Variants in PTPRO observed in about 807,000 individuals in gnomAD.
PTPRO encodes receptor-type tyrosine-protein phosphatase O.
A neutral mutation model predicts 145.2 loss-of-function variants in PTPRO; 62 were observed. The observed-to-expected ratio is 0.43, with a 90% confidence interval of 0.35 to 0.53. The LOEUF (loss-of-function observed/expected upper bound fraction) is 0.53, where lower values mean the gene tolerates loss of function less well. Ranked by LOEUF, PTPRO falls within the 20% of genes least tolerant of loss-of-function variation. PTPRO has a pLI of 0.01. For synonymous variants in PTPRO, 565 were observed against 514.7 expected (o/e 1.10, Z -1.32); for missense variants, 1,345 against 1,482.7 (o/e 0.91, Z 1.53).
chr12:15,557,384 CTT>C, intron 15 of PTPRO, 69 bp from the exon 16 acceptor site: 1 of 1,347,812 alleles, frequency 7.4e-7, no homozygotes, highest in Non-Finnish European at 1.1e-6. Flanking sequence ...TAAAGACTCT[CTT>C]TACTTTTAGG....
chr12:15,535,781 T>G (rs1488210266), intron 12 of PTPRO, among the ~76,000 whole-genome samples: 2 of 152,244 alleles, frequency 1.3e-5, no homozygotes, highest in Admixed American at 1.3e-4. Flanking sequence ...CTTTTGTGAC[T>G]TTCCGTTCCT....
intron 6 of PTPRO, among the ~76,000 whole-genome samples, chr12:15,507,385 G>T (rs897449172): frequency 1.3e-5 from 2 of 151,366 alleles, no homozygotes; most frequent in Non-Finnish European, 2.9e-5. Flanking sequence ...ACTCCAGCCT[G>T]GGTGACAGAG....
chr12:15,523,802 T>C (rs576536980), intron 10 of PTPRO, among the ~76,000 whole-genome samples: 1 of 151,504 alleles, frequency 6.6e-6, no homozygotes, highest in East Asian at 2.0e-4. Context: ...AAAATAAAAG[T>C]AATTTTTTTT....
At chr12:15,364,445 T>G (rs56029389) in intron 1 of PTPRO, among the ~76,000 whole-genome samples, 35,413 of 152,072 alleles carry the variant, frequency 0.23, 4,315 homozygotes, top group Non-Finnish European at 0.27. Flanking sequence ...ATTTTTGTGG[T>G]TTCCTAAATG....
chr12:15,580,058 A>G lies in PTPRO; in HGVS notation c.2940A>G (p.Arg980=), dbSNP rs770654560. 6.2e-6 allele frequency: 10 copies of G among 1,612,944 alleles called. No individual in the cohort carries two copies. The highest frequency in any genetic ancestry group is 7.6e-6 in the Non-Finnish European group (9 of 1,179,528). The change falls in exon 21 of 27, where the codon AGA becomes AGG. Residue 980 remains arginine (R), a synonymous_variant. Coordinates refer to ENST00000281171, the MANE Select transcript of PTPRO (RefSeq NM_030667.3). ...NILPYDFSRV[R]LVSMNEEEGA... ...CTACAGATGACTTCAGCCGTGTGAGATTAGTCTCCATGAATGAAGAGGAAG... is the reference window on the plus strand; with the variant it reads ...CTACAGATGACTTCAGCCGTGTGAGGTTAGTCTCCATGAATGAAGAGGAAG...
At chr12:15,545,904 T>C (rs1470531808) in intron 12 of PTPRO, among the ~76,000 whole-genome samples, 1 of 151,810 alleles carries the variant, frequency 6.6e-6, no homozygotes, top group African/African-American at 2.4e-5. Context: ...TAGTCCCAGT[T>C]ACTTGGGAGT....
chr12:15,577,573 T>G (rs1356974409), intron 19 of PTPRO, among the ~76,000 whole-genome samples: 1 of 152,224 alleles, frequency 6.6e-6, no homozygotes, highest in Non-Finnish European at 1.5e-5. Flanking sequence ...TTCCTTGAAG[T>G]AATAATTGGG....
intron 8 of PTPRO, 89 bp from the exon 9 acceptor site, chr12:15,516,674 A>G: frequency 8.5e-7 from 1 of 1,170,392 alleles, no homozygotes; most frequent in South Asian, 1.2e-5. Context: ...AGAGAGTGAA[A>G]ACTCGGGTCA....
At chr12:15,490,720 T>C (rs1941983623) in intron 2 of PTPRO, among the ~76,000 whole-genome samples, 1 of 152,060 alleles carries the variant, frequency 6.6e-6, no homozygotes, top group African/African-American at 2.4e-5. Flanking sequence ...AAGCATGCAG[T>C]ATAGGATCAA....
At chr12:15,370,415 A>T (rs1938491566) in intron 1 of PTPRO, among the ~76,000 whole-genome samples, 3 of 152,226 alleles carry the variant, frequency 2.0e-5, no homozygotes, top group African/African-American at 7.2e-5. Flanking sequence ...TAAAGTCATA[A>T]TTGCAAATTA....
chr12:15,549,358 G>A, intron 14 of PTPRO, 132 bp downstream of exon 14: 1 of 661,460 alleles, frequency 1.5e-6, no homozygotes, highest in Non-Finnish European at 2.2e-6. Flanking sequence ...ATCCCAAAGT[G>A]CACTTACTAG....
At chr12:15,439,340 A>G (rs1940691094) in intron 1 of PTPRO, among the ~76,000 whole-genome samples, 1 of 152,226 alleles carries the variant, frequency 6.6e-6, no homozygotes, top group Admixed American at 6.5e-5. Context: ...CATAGCCTGC[A>G]GACCATATAA....
intron 1 of PTPRO, among the ~76,000 whole-genome samples, chr12:15,432,419 T>C (rs145917772): frequency 6.6e-6 from 1 of 152,310 alleles, no homozygotes; most frequent in African/African-American, 2.4e-5. Flanking sequence ...GGCATTTAGG[T>C]TGATTGTATG....
intron 23 of PTPRO, among the ~76,000 whole-genome samples, chr12:15,582,233 T>C (rs1005655232): frequency 4.6e-5 from 7 of 152,232 alleles, no homozygotes; most frequent in Non-Finnish European, 8.8e-5. Context: ...ACCTTCAGCA[T>C]GGGCATCAAG....
chr12:15,515,378 CCTT>C (rs1186253739), intron 7 of PTPRO, 117 bp from the exon 8 acceptor site: 8 of 1,318,552 alleles, frequency 6.1e-6, no homozygotes, highest in Non-Finnish European at 8.6e-6. Context: ...TTCAGTAAAG[CCTT>C]CTGGATTTCA....
chr12:15,545,947 T>C (rs990308666), intron 12 of PTPRO, among the ~76,000 whole-genome samples: 4 of 151,196 alleles, frequency 2.6e-5, no homozygotes, highest in Non-Finnish European at 5.9e-5. Flanking sequence ...CCAGGGAAGA[T>C]GAGGCTTCAG....
At chr12:15,415,601 G>A (rs752095339) in intron 1 of PTPRO, among the ~76,000 whole-genome samples, 12 of 151,580 alleles carry the variant, frequency 7.9e-5, no homozygotes, top group Admixed American at 2.6e-4. Flanking sequence ...TAGCCAGGAT[G>A]GTCTCGATCT....
At chr12:15,436,375 T>C (rs67354673) in intron 1 of PTPRO, among the ~76,000 whole-genome samples, 24,710 of 152,226 alleles carry the variant, frequency 0.16, 2,109 homozygotes, top group Middle Eastern at 0.21. Context: ...GTAATTTCTT[T>C]TTTATTATTA....
intron 1 of PTPRO, among the ~76,000 whole-genome samples, chr12:15,479,223 G>A (rs1941726121): frequency 6.6e-6 from 1 of 152,096 alleles, no homozygotes; most frequent in South Asian, 2.1e-4. Context: ...TGCTTCCTTA[G>A]AAAGAGCCCC....
Sources: gnomAD v4.1 joint callset for allele counts (sites outside exome capture counted in the v4.1 genomes callset) on GRCh38, gnomAD v4.1.1 for gene constraint, MANE v1.5 for transcripts, NCBI Gene and HGNC (gene_info 2026-07-23, HGNC 2026-07-21) for gene names.